Variants in MXRA7 observed in about 807,000 individuals in gnomAD.
The protein encoded by MXRA7 is matrix-remodeling-associated protein 7.
A neutral mutation model predicts 17.4 loss-of-function variants in MXRA7; 18 were observed. The observed-to-expected ratio is 1.03, with a 90% CI of 0.71 to 1.53. The LOEUF (loss-of-function observed/expected upper bound fraction) is 1.53, where lower values mean the gene tolerates loss of function less well. Ranked by LOEUF, MXRA7 falls within the 40% of genes most tolerant of loss-of-function variation. The pLI, the probability that MXRA7 is intolerant of heterozygous loss-of-function variation, is 0.00. For missense variants in MXRA7, 141 were observed against 209.3 expected, an observed-to-expected ratio of 0.67 and a Z score of 2.01; for synonymous variants, 70 against 101.7, an observed-to-expected ratio of 0.69 and a Z score of 1.87.
At chr17:76,689,478 A>G (rs2076452368) in intron 1 of MXRA7, 1 of 152,228 alleles carries the variant, frequency 6.6e-6, no homozygotes, top group South Asian at 2.1e-4. Flanking sequence ...CACTTTGTAC[A>G]CACAGACTTA....
chr17:76,701,514 A>C (rs913804736), intron 1 of MXRA7, among the ~76,000 whole-genome samples: 1 of 152,036 alleles, frequency 6.6e-6, no homozygotes, highest in Non-Finnish European at 1.5e-5. Flanking sequence ...GGGCACCATC[A>C]GCTATTGATC....
chr17:76,680,915 T>C lies in MXRA7; in HGVS notation c.501-36A>G. The C allele has an allele frequency of 1.9e-6, 3 of 1,543,716 alleles. No individual in the cohort carries two copies. The South Asian group carries it at 3.4e-5, about 18-fold the overall frequency. On this transcript the variant is annotated intron_variant, in intron 3 of 3. Coordinates refer to ENST00000449428, the MANE Select transcript of MXRA7 (RefSeq NM_198530.4). ...AAATGGGGAGAAAAAGATAATTTAT[T>C]TTACTCATTCCATCCTGCACCATGG...
At chr17:76,693,625 T>C (rs994051969) in intron 1 of MXRA7, among the ~76,000 whole-genome samples, 6 of 152,166 alleles carry the variant, frequency 3.9e-5, no homozygotes, top group African/African-American at 1.4e-4. Context: ...GCAAGTGGAC[T>C]GCTTGAGCCC....
downstream of MXRA7, among the ~76,000 whole-genome samples, chr17:76,679,212 C>T (rs1478528912): frequency 6.6e-6 from 1 of 150,948 alleles, no homozygotes; most frequent in Non-Finnish European, 1.5e-5. Flanking sequence ...CACTTAAGCC[C>T]ACGAGGTCCA....
intron 1 of MXRA7, among the ~76,000 whole-genome samples, chr17:76,697,086 G>C (rs2076540231): frequency 6.6e-6 from 1 of 152,096 alleles, no homozygotes; most frequent in Admixed American, 6.5e-5. Flanking sequence ...CTGAAGCCTT[G>C]GCCCCAACTA....
rs190184846 is a variant in MXRA7, at chr17:76,682,889, G to A, written c.501-2010C>T. On this transcript the variant is annotated intron_variant, in intron 3 of 3. Coordinates refer to ENST00000449428, the MANE Select transcript of MXRA7 (RefSeq NM_198530.4). ...GGAGCAGCACCTCGGGCACAGTCTC[G>A]GTCCCACAGAACAGCCAAGTGTGGG... Among the ~76,000 whole-genome samples, 364 of 152,306 alleles carry A rather than the reference G, an allele frequency of 2.4e-3. 2 individuals carry two copies. Among genetic ancestry groups the A allele is most frequent in the African/African-American group, 8.2e-3 (340 of 41,558 alleles).
chr17:76,679,546 C>CAA (rs2076271376), downstream of MXRA7: 1 of 963,172 alleles, frequency 1.0e-6, no homozygotes, highest in Non-Finnish European at 1.2e-6. Flanking sequence ...TAAAACAAAG[C>CAA]AAACTGAAAA....
downstream of MXRA7, chr17:76,677,378 G>T (rs757481513): frequency 5.5e-5 from 28 of 504,562 alleles, no homozygotes; most frequent in Admixed American, 1.3e-4. Flanking sequence ...AACCAGAGGG[G>T]TCAGGGACTT....
Position 76,680,567 on chromosome 17 carries a change from G to A in MXRA7, c.*300C>T. ...CAGGGTGTGTGGATAGCAAGTTTGA[G>A]TGGTAAGAAAAATCCCAGTCCAGGG... is the stretch of plus-strand genomic sequence containing the variant. On this transcript the variant is annotated 3_prime_UTR_variant, in exon 4 of 4. Transcript: ENST00000449428. 8.5e-7 allele frequency: 1 copy of A among 1,170,254 alleles called. No homozygotes were observed. Among genetic ancestry groups the A allele is most frequent in the Non-Finnish European group, 1.1e-6 (1 of 947,358 alleles). 72.5% of individuals were successfully genotyped at this position (1,170,254 alleles called of 1,614,324 possible). A position where few individuals can be genotyped will look rare whatever the true frequency, so the allele number is the denominator to read the frequency against.
At chr17:76,683,578 C>T (rs1036919288) in intron 3 of MXRA7, among the ~76,000 whole-genome samples, 3 of 152,182 alleles carry the variant, frequency 2.0e-5, no homozygotes, top group South Asian at 4.1e-4. Context: ...TGCGAGGGGG[C>T]GCTAGCACCC....
At chr17:76,692,506 G>A (rs1010684513) in intron 1 of MXRA7, among the ~76,000 whole-genome samples, 2 of 151,980 alleles carry the variant, frequency 1.3e-5, no homozygotes, top group African/African-American at 4.8e-5. Context: ...GCCCGTCTCG[G>A]CCTCCCAAAC....
chr17:76,688,279 A>C (rs1439944567), intron 1 of MXRA7, 103 bp from the exon 2 acceptor site: 1 of 1,547,530 alleles, frequency 6.5e-7, no homozygotes, highest in Non-Finnish European at 8.7e-7. Context: ...TCGAAGGTCC[A>C]GCCTGCCCAC....
In MXRA7 at chr17:76,697,231, G is replaced by C. The variant is rs150850077; in HGVS notation, c.343-9055C>G. ...AACTCGGACACACACAGAGACATGA[G>C]AGTTGTGAGTGCACAGAGGAAAGAC... On this transcript the variant is annotated intron_variant, in intron 1 of 3. Coordinates refer to ENST00000449428, the MANE Select transcript of MXRA7 (RefSeq NM_198530.4). 2.1e-4 allele frequency among the ~76,000 whole-genome samples: 32 copies of C among 152,296 alleles called. No homozygotes were observed. In the East Asian group the frequency reaches 5.4e-3, roughly 26 times the overall value.
downstream of MXRA7, among the ~76,000 whole-genome samples, chr17:76,679,289 A>AAAAAAGGG (rs539486667): frequency 0.031 from 4,199 of 137,488 alleles, 203 homozygotes; most frequent in African/African-American, 0.12. Context: ...CCCTGTCTCA[A>AAAAAAGGG]AAAAAAAAAA....
intron 1 of MXRA7, among the ~76,000 whole-genome samples, chr17:76,695,482 G>A (rs1024268869): frequency 6.6e-6 from 1 of 152,064 alleles, no homozygotes; most frequent in Non-Finnish European, 1.5e-5. Flanking sequence ...TTTTACCTTC[G>A]TGCCTCCCTC....
At chr17:76,706,212 A>ACAGAGGCCCACGCTGCTG (rs1567990768) in intron 1 of MXRA7, among the ~76,000 whole-genome samples, 3 of 43,940 alleles carry the variant, frequency 6.8e-5, no homozygotes, top group African/African-American at 1.7e-4. Flanking sequence ...CCACGCTGCC[A>ACAGAGGCCCACGCTGCTG]TCACAAAGGC....
intron 1 of MXRA7, among the ~76,000 whole-genome samples, chr17:76,706,253 C>T (rs1567990818): frequency 1.5e-5 from 2 of 129,714 alleles, no homozygotes; most frequent in Non-Finnish European, 3.4e-5. Context: ...CCCACTCTGC[C>T]ATCACAGAGG....
chr17:76,682,414 A>C (rs1189011725), intron 3 of MXRA7, among the ~76,000 whole-genome samples: 1 of 152,136 alleles, frequency 6.6e-6, no homozygotes, highest in Non-Finnish European at 1.5e-5. Context: ...CTGTGGTTTT[A>C]GTGGTTTGAT....
At chr17:76,688,061 GACC>G in intron 2 of MXRA7, 49 bp downstream of exon 2, 6 of 1,542,350 alleles carry the variant, frequency 3.9e-6, no homozygotes, top group Non-Finnish European at 5.3e-6. Flanking sequence ...GCAGGACACA[GACC>G]ACCCCCGACA....
Sources: allele counts gnomAD v4.1 joint callset (sites outside exome capture counted in the v4.1 genomes callset), GRCh38; gene constraint gnomAD v4.1.1; transcripts MANE v1.5; gene names NCBI Gene and HGNC (gene_info 2026-07-23, HGNC 2026-07-21).